The following SGO1 variants were observed in gnomAD, a reference collection of about 807,000 sequenced individuals.
SGO1 encodes shugoshin 1, also known as serologically defined breast cancer antigen NY-BR-85.
Under a neutral mutation model 50.5 loss-of-function variants are expected in SGO1, and 39 were observed. The observed-to-expected ratio is 0.77, with a 90% CI of 0.60 to 1.01. The LOEUF (loss-of-function observed/expected upper bound fraction) is 1.01, where lower values mean the gene tolerates loss of function less well. SGO1 is among the 50% of genes least tolerant of loss of function. The pLI is 0.00. For missense variants in SGO1, 638 were observed against 606.0 expected, an observed-to-expected ratio of 1.05 and a Z score of -0.55; for synonymous variants, 191 against 205.1, an observed-to-expected ratio of 0.93 and a Z score of 0.59.
chr3:20,184,687 T>C (rs550692296), intron 1 of SGO1, among the ~76,000 whole-genome samples: 40 of 152,344 alleles, frequency 2.6e-4, no homozygotes, highest in Middle Eastern at 3.4e-3. Context: ...AGGAACACTC[T>C]AGTATTCTCA....
upstream of SGO1, chr3:20,186,330 C>T (rs931225492): frequency 6.6e-5 from 10 of 152,316 alleles, no homozygotes; most frequent in African/African-American, 2.4e-4. Flanking sequence ...GACGCACATT[C>T]GCTCAAGTCC....
exon 9 of SGO1, chr3:20,161,154 A>C (rs200770059): frequency 6.2e-7 from 1 of 1,613,678 alleles, no homozygotes; most frequent in Non-Finnish European, 8.5e-7. Context: ...ACAGTCTGGG[A>C]ATCTCGAAAC....
Position 20,174,259 on chromosome 3 carries a change from T to A in SGO1, c.1272A>T (p.Lys424Asn). 1 of 1,612,420 alleles carries A rather than the reference T, an allele frequency of 6.2e-7. No homozygotes were observed. The highest frequency in any genetic ancestry group is 8.5e-7 in the Non-Finnish European group (1 of 1,178,994). The stretch of plus-strand genomic sequence containing the variant: ...AAGTAGATCACTTACTGGTAGGAGT[T>A]TTTGTTGGCTTAGAACCCTCCGTCT... ...EKETEGSKPTKTPTTTPPETQ... is the reference protein window; with the variant it reads ...EKETEGSKPTNTPTTTPPETQ... Residue 424 changes from lysine (K) to asparagine (N), a missense_variant, in exon 6 of 8, where the codon AAA becomes AAT. Coordinates refer to ENST00000412997, the MANE Select transcript of SGO1 (RefSeq NM_001199251.3).
intron 8 of SGO1, among the ~76,000 whole-genome samples, chr3:20,162,392 G>A (rs572936490): frequency 1.3e-5 from 2 of 152,230 alleles, no homozygotes; most frequent in Admixed American, 6.5e-5. Context: ...GGGGGTAAAC[G>A]AGCATAGAGT....
chr3:20,179,507 C>G (rs1285134156), intron 3 of SGO1, among the ~76,000 whole-genome samples: 1 of 144,742 alleles, frequency 6.9e-6, no homozygotes, highest in Non-Finnish European at 1.5e-5. Context: ...TCACTGCAGC[C>G]TTGAACTCCT....
intron 6 of SGO1, among the ~76,000 whole-genome samples, chr3:20,173,331 G>C (rs912858675): frequency 8.6e-5 from 13 of 151,848 alleles, no homozygotes; most frequent in African/African-American, 2.9e-4. Flanking sequence ...GTAGAGATGG[G>C]GTTTCACCAT....
intron 8 of SGO1, among the ~76,000 whole-genome samples, chr3:20,162,463 A>G (rs556071127): frequency 2.4e-4 from 37 of 152,332 alleles, no homozygotes; most frequent in African/African-American, 8.7e-4. Context: ...GATCAAGCTG[A>G]TCTCTAACAA....
chr3:20,184,066 GAA>G (rs1294328025), intron 1 of SGO1, 32 bp from the exon 2 acceptor site: 1 of 1,509,570 alleles, frequency 6.6e-7, no homozygotes, highest in Non-Finnish European at 8.8e-7. Context: ...TTCTCAGAGA[GAA>G]TATTATCAAA....
chr3:20,171,057 C>T lies in SGO1; in HGVS notation c.1458G>A (p.Glu486=). 6.3e-7 allele frequency: 1 copy of T among 1,589,744 alleles called. No homozygotes were observed. Among genetic ancestry groups the T allele is most frequent in the Non-Finnish European group, 8.5e-7 (1 of 1,173,542 alleles). The change falls in exon 7 of 8, where the codon GAG becomes GAA. Residue 486 remains glutamate, a synonymous_variant. Transcript: ENST00000412997. The stretch of plus-strand genomic sequence containing the variant: ...CAAATACTTACGAAGCGAGGGTGGG[C>T]TCCTTATAGTTCACGCTGGCTGTGC... ...RRCTASVNYK[E]PTLASKLRRG...
At chr3:20,170,918 C>T (rs1575194274) in intron 7 of SGO1, 103 bp from the exon 8 acceptor site, 3 of 1,483,830 alleles carry the variant, frequency 2.0e-6, no homozygotes, top group Non-Finnish European at 2.7e-6. Context: ...TAAATGTTCT[C>T]ACTTCAGTTT....
At chr3:20,170,884 A>C (rs1340229875) in intron 7 of SGO1, 69 bp from the exon 8 acceptor site, 1 of 1,533,880 alleles carries the variant, frequency 6.5e-7, no homozygotes, top group Non-Finnish European at 8.8e-7. Context: ...TTCCCTACCA[A>C]GTTATGGTAA....
intron 4 of SGO1, among the ~76,000 whole-genome samples, chr3:20,177,555 G>A (rs1701539900): frequency 6.6e-6 from 1 of 152,152 alleles, no homozygotes; most frequent in South Asian, 2.1e-4. Context: ...ATGTTACTGG[G>A]ATTCACTGGG....
At chr3:20,184,243 T>C (rs777759434) in intron 1 of SGO1, among the ~76,000 whole-genome samples, 3 of 152,212 alleles carry the variant, frequency 2.0e-5, no homozygotes, top group Non-Finnish European at 2.9e-5. Context: ...AGGCACTTTA[T>C]AGAAAAGGTT....
At chr3:20,185,562 T>C (rs1464212563) in intron 1 of SGO1, among the ~76,000 whole-genome samples, 3 of 152,172 alleles carry the variant, frequency 2.0e-5, no homozygotes, top group Non-Finnish European at 4.4e-5. Flanking sequence ...CAATTAGTCC[T>C]GCTGCGAAGA....
At position 20,170,640 on chromosome 3, in the gene SGO1, A is replaced by T. The variant is rs1700615364; in HGVS notation, c.*64T>A. The T allele has an allele frequency of 8.2e-6, 12 of 1,470,134 alleles. No homozygotes were observed. In the South Asian group the frequency reaches 1.8e-4, roughly 22 times the overall value. 91.1% of individuals were successfully genotyped at this position (1,470,134 alleles called of 1,614,324 possible). On this transcript the variant is annotated 3_prime_UTR_variant, in exon 8 of 8. Coordinates refer to ENST00000412997, the MANE Select transcript of SGO1 (RefSeq NM_001199251.3). ...GCTCACTCTGTTTGTGTACTCTTACAGATCCTCTCCTGAAGCAACAGAAAG... is the reference window on the plus strand; with the variant it reads ...GCTCACTCTGTTTGTGTACTCTTACTGATCCTCTCCTGAAGCAACAGAAAG...
chr3:20,171,229 G>A lies in SGO1; in HGVS notation c.1286C>T (p.Thr429Ile). 2.6e-6 allele frequency: 4 copies of A among 1,553,648 alleles called. No homozygotes were observed. Among genetic ancestry groups the A allele is most frequent in the Middle Eastern group, 1.9e-4 (1 of 5,204 alleles). ...AGGTGACTGCTGAGTTTCAGGTGGT[G>A]TAGCTACAAAACAATTTTTACTGAA... ...GSKPTKTPTTTPPETQQSPHL... is the reference protein window; with the variant it reads ...GSKPTKTPTTIPPETQQSPHL... Residue 429 changes from threonine to isoleucine, a missense_variant, in exon 7 of 8, where the codon ACA (threonine) becomes ATA (isoleucine). Transcript: ENST00000412997.
Position 20,176,492 on chromosome 3 carries a change from C to T in SGO1, c.475+109G>A, listed in dbSNP as rs559370677. On this transcript the variant is annotated intron_variant, in intron 5 of 7. Transcript: ENST00000412997. ...TGCTTTGAGCAGAATACCAGATGAA[C>T]AAATTTAAAAAGTTAAAAAAAAAGA... is the stretch of plus-strand genomic sequence containing the variant. 13 of 696,842 alleles carry T rather than the reference C, an allele frequency of 1.9e-5. No individual in the cohort carries two copies. The South Asian group carries it at 2.6e-4, about 14-fold the overall frequency. The allele number at this position is 696,842 out of a possible 1,614,324, so 43.2% of individuals were successfully genotyped here.
chr3:20,181,189 A>AT, intron 3 of SGO1, among the ~76,000 whole-genome samples: 1 of 152,206 alleles, frequency 6.6e-6, no homozygotes, highest in Non-Finnish European at 1.5e-5. Flanking sequence ...TGAAACTTTA[A>AT]ATTTGACATG....
Position 20,186,117 on chromosome 3 carries a change from A to C in SGO1, c.-177T>G, listed in dbSNP as rs1056730655. ...CCTCCTCACATTTCAAGGCTCTTCG[A>C]AGCTCTCCAGCCACGGCTAGCCCCG... On this transcript the variant is annotated 5_prime_UTR_variant, in exon 1 of 8. Coordinates refer to ENST00000412997, the MANE Select transcript of SGO1 (RefSeq NM_001199251.3). 2.6e-5 allele frequency: 4 copies of C among 152,688 alleles called. No individual in the cohort carries two copies. Among genetic ancestry groups the C allele is most frequent in the African/African-American group, 9.6e-5 (4 of 41,456 alleles). The allele number at this position is 152,688 out of a possible 1,614,324, so 9.5% of individuals were successfully genotyped here. A position where few individuals can be genotyped will look rare whatever the true frequency, so the allele number is the denominator to read the frequency against.
Sources: allele counts gnomAD v4.1 joint callset (sites outside exome capture counted in the v4.1 genomes callset), GRCh38; gene constraint gnomAD v4.1.1; transcripts MANE v1.5; gene names NCBI Gene and HGNC (gene_info 2026-07-23, HGNC 2026-07-21).